Variants in ZFPM2 observed in about 807,000 individuals in gnomAD.
ZFPM2 encodes the protein zinc finger protein, FOG family member 2.
A neutral mutation model predicts 98.6 loss-of-function variants in ZFPM2; 20 were observed. That is an observed-to-expected ratio of 0.20 (90% CI 0.14 to 0.29). ZFPM2 has a LOEUF of 0.29. Among genes scored for constraint, ZFPM2 ranks in the 10% least tolerant of loss-of-function variants. ZFPM2 has a pLI of 1.00. For synonymous variants in ZFPM2, 518 were observed against 502.7 expected (o/e 1.03, Z -0.41); for missense variants, 1,310 against 1,388.6 (o/e 0.94, Z 0.90).
At chr8:105,338,405 C>T (rs1403959235) in intron 1 of ZFPM2, among the ~76,000 whole-genome samples, 4 of 151,656 alleles carry the variant, frequency 2.6e-5, no homozygotes, top group Non-Finnish European at 5.9e-5. Context: ...AAATTGATAC[C>T]TAGAGATCTT....
At chr8:105,590,567 T>C (rs1410899487) in intron 4 of ZFPM2, among the ~76,000 whole-genome samples, 2 of 152,228 alleles carry the variant, frequency 1.3e-5, no homozygotes, top group Non-Finnish European at 2.9e-5. Context: ...TAAAGGTGTT[T>C]TTGAGTTAGT....
intron 4 of ZFPM2, among the ~76,000 whole-genome samples, chr8:105,605,415 T>C (rs1211084413): frequency 6.6e-6 from 1 of 152,122 alleles, no homozygotes; most frequent in Non-Finnish European, 1.5e-5. Flanking sequence ...AATATAATGA[T>C]TCCAAGTTAT....
chr8:105,542,853 A>T (rs1189971715), intron 3 of ZFPM2, among the ~76,000 whole-genome samples: 3 of 152,174 alleles, frequency 2.0e-5, no homozygotes, highest in Non-Finnish European at 4.4e-5. Flanking sequence ...AGTGACATTT[A>T]TGCCATATAC....
rs145277095 is a variant in ZFPM2 at position 105,382,699 on chromosome 8, GAA to G, written c.41-36443_41-36442del. Among the ~76,000 whole-genome samples, 737 of 152,152 alleles carry G rather than the reference GAA, an allele frequency of 4.8e-3. 4 individuals carry two copies. Among genetic ancestry groups the G allele is most frequent in the African/African-American group, 0.017 (688 of 41,528 alleles). ...TTAAAATATTTGTGATTTTATGATG[GAA>G]AGACTAAGTATAGGGGAAGGTTAGA... is the stretch of plus-strand genomic sequence containing the variant. On this transcript the variant is annotated intron_variant, in intron 1 of 7. Transcript: ENST00000407775.
intron 3 of ZFPM2, among the ~76,000 whole-genome samples, chr8:105,538,332 C>G (rs1031253084): frequency 6.6e-6 from 1 of 152,062 alleles, no homozygotes; most frequent in Non-Finnish European, 1.5e-5. Flanking sequence ...ATAAATCATA[C>G]CCAGGCTTTA....
chr8:105,608,504 C>T (rs900995004), intron 4 of ZFPM2, among the ~76,000 whole-genome samples: 3 of 149,196 alleles, frequency 2.0e-5, no homozygotes, highest in African/African-American at 2.5e-5. Context: ...ACATTTTTCA[C>T]ATTATTGCTA....
intron 5 of ZFPM2, among the ~76,000 whole-genome samples, chr8:105,672,246 G>T (rs1817610907): frequency 1.3e-5 from 2 of 151,688 alleles, no homozygotes; most frequent in African/African-American, 2.4e-5. Flanking sequence ...TTAGGTAAGA[G>T]AAATAATATT....
chr8:105,400,185 C>G (rs1183680363), intron 1 of ZFPM2, among the ~76,000 whole-genome samples: 2 of 151,918 alleles, frequency 1.3e-5, no homozygotes, highest in African/African-American at 4.8e-5. Flanking sequence ...TGATTAATAA[C>G]CAATTTTGCT....
intron 5 of ZFPM2, among the ~76,000 whole-genome samples, chr8:105,734,116 A>G (rs1322035812): frequency 6.6e-6 from 1 of 151,920 alleles, no homozygotes; most frequent in Non-Finnish European, 1.5e-5. Context: ...GCTCCATGTC[A>G]TATGACATTT....
At chr8:105,498,641 GT>G (rs1412616110) in intron 3 of ZFPM2, among the ~76,000 whole-genome samples, 1 of 152,156 alleles carries the variant, frequency 6.6e-6, no homozygotes, top group Admixed American at 6.5e-5. Context: ...CAAAATAGCC[GT>G]AACTTGAGTT....
chr8:105,704,184 T>G (rs1156294112), intron 5 of ZFPM2, among the ~76,000 whole-genome samples: 1 of 152,162 alleles, frequency 6.6e-6, no homozygotes. Flanking sequence ...GACCTAACAT[T>G]GCTAAATTGG....
At chr8:105,407,550 C>T (rs920040489) in intron 1 of ZFPM2, among the ~76,000 whole-genome samples, 21 of 151,794 alleles carry the variant, frequency 1.4e-4, no homozygotes, top group African/African-American at 4.8e-4. Flanking sequence ...CAGGAAGGTG[C>T]GAAATCCCCC....
intron 1 of ZFPM2, among the ~76,000 whole-genome samples, chr8:105,349,773 C>T (rs1483649060): frequency 6.6e-6 from 1 of 152,136 alleles, no homozygotes; most frequent in Non-Finnish European, 1.5e-5. Context: ...TGATATATCA[C>T]TTGTTTTTCT....
intron 5 of ZFPM2, among the ~76,000 whole-genome samples, chr8:105,770,990 C>G (rs1352585143): frequency 6.6e-6 from 1 of 151,996 alleles, no homozygotes; most frequent in African/African-American, 2.4e-5. Context: ...CCTGGCCTTC[C>G]TAGGATGCAG....
intron 5 of ZFPM2, among the ~76,000 whole-genome samples, chr8:105,758,755 T>C (rs1812667175): frequency 1.3e-5 from 2 of 152,072 alleles, no homozygotes; most frequent in South Asian, 2.1e-4. Context: ...AAGAGTGTTA[T>C]AGAAAGCTAG....
intron 5 of ZFPM2, among the ~76,000 whole-genome samples, chr8:105,760,249 G>A (rs1413595415): frequency 1.3e-5 from 2 of 151,904 alleles, no homozygotes; most frequent in African/African-American, 4.8e-5. Flanking sequence ...CACATGTAGG[G>A]GCAAGTGGCT....
chr8:105,681,127 A>C (rs76832975), intron 5 of ZFPM2, among the ~76,000 whole-genome samples: 1 of 152,198 alleles, frequency 6.6e-6, no homozygotes, highest in African/African-American at 2.4e-5. Context: ...ATGATAATCA[A>C]AACTCATGAG....
intron 1 of ZFPM2, among the ~76,000 whole-genome samples, chr8:105,386,182 G>C (rs896160678): frequency 6.6e-6 from 1 of 152,268 alleles, no homozygotes; most frequent in African/African-American, 2.4e-5. Flanking sequence ...GAATATTCTT[G>C]ATATAACTCA....
intron 4 of ZFPM2, among the ~76,000 whole-genome samples, chr8:105,615,145 G>A (rs892576289): frequency 6.6e-6 from 1 of 151,710 alleles, no homozygotes; most frequent in African/African-American, 2.4e-5. Flanking sequence ...GCACTGTGAA[G>A]GGTAGTAACA....
Sources: allele counts gnomAD v4.1 joint callset (sites outside exome capture counted in the v4.1 genomes callset), GRCh38; gene constraint gnomAD v4.1.1; transcripts MANE v1.5; gene names NCBI Gene and HGNC (gene_info 2026-07-23, HGNC 2026-07-21).